Variants in MAF observed in about 807,000 individuals in gnomAD.
MAF encodes the protein transcription factor Maf.
Under a neutral mutation model 22.0 loss-of-function variants are expected in MAF, and 10 were observed. The ratio of observed to expected loss-of-function variants is 0.45; its 90% CI spans 0.28 to 0.77. The LOEUF (loss-of-function observed/expected upper bound fraction) is 0.77. MAF is among the 30% of genes least tolerant of loss of function. MAF has a pLI of 0.12. For missense variants in MAF, 544 were observed against 548.4 expected (o/e 0.99, Z 0.08); for synonymous variants, 337 against 255.8 (o/e 1.32, Z -3.03).
the MAF span, among the ~76,000 whole-genome samples, chr16:79,554,029 C>A: frequency 2.0e-5 from 3 of 152,140 alleles, no homozygotes; most frequent in Non-Finnish European, 4.4e-5. Flanking sequence ...GCAGAGTTTG[C>A]AGTGAGCTGA....
At chr16:79,365,063 C>G in the MAF span, among the ~76,000 whole-genome samples, 1 of 152,120 alleles carries the variant, frequency 6.6e-6, no homozygotes, top group Non-Finnish European at 1.5e-5. Flanking sequence ...TTGATGGTTT[C>G]TGATTGGTTA....
the MAF span, among the ~76,000 whole-genome samples, chr16:79,270,567 C>T: frequency 6.6e-6 from 1 of 152,200 alleles, no homozygotes; most frequent in East Asian, 1.9e-4. Flanking sequence ...TTAGTCTTAG[C>T]CCCATCATTG....
chr16:79,562,562 A>G, the MAF span, among the ~76,000 whole-genome samples: 1,242 of 152,326 alleles, frequency 8.2e-3, 18 homozygotes, highest in African/African-American at 0.029. Flanking sequence ...CTGGCTGCCA[A>G]CTAACACCAC....
the MAF span, among the ~76,000 whole-genome samples, chr16:79,394,787 G>A: frequency 3.3e-5 from 5 of 152,162 alleles, no homozygotes; most frequent in Non-Finnish European, 4.4e-5. Flanking sequence ...AACCTAGGTA[G>A]CAGGTTTTTA....
chr16:79,253,846 A>C, the MAF span, among the ~76,000 whole-genome samples: 2 of 151,890 alleles, frequency 1.3e-5, no homozygotes, highest in South Asian at 4.2e-4. Flanking sequence ...TTGTATTGCA[A>C]TCACCTAAAG....
chr16:79,242,356 A>G, the MAF span, among the ~76,000 whole-genome samples: 1 of 151,118 alleles, frequency 6.6e-6, no homozygotes, highest in African/African-American at 2.4e-5. Flanking sequence ...TTTACCAAGC[A>G]AATGGGAAGC....
the MAF span, among the ~76,000 whole-genome samples, chr16:79,362,666 A>G: frequency 6.6e-6 from 1 of 152,178 alleles, no homozygotes; most frequent in South Asian, 2.1e-4. Flanking sequence ...AGTTAGATCT[A>G]ATAAGCCTCT....
At chr16:79,400,859 G>C in the MAF span, among the ~76,000 whole-genome samples, 6 of 152,346 alleles carry the variant, frequency 3.9e-5, no homozygotes, top group South Asian at 1.2e-3. Context: ...AAATGGCCTG[G>C]GGTATCTTCC....
At chr16:79,301,729 C>A in the MAF span, among the ~76,000 whole-genome samples, 1 of 152,086 alleles carries the variant, frequency 6.6e-6, no homozygotes, top group East Asian at 1.9e-4. Flanking sequence ...TGATAAAGTG[C>A]ATATACATTT....
chr16:79,493,786 A>C, the MAF span, among the ~76,000 whole-genome samples: 6 of 152,340 alleles, frequency 3.9e-5, no homozygotes, highest in Non-Finnish European at 8.8e-5. Context: ...TGGAAAGAAG[A>C]CATCAATACT....
the MAF span, among the ~76,000 whole-genome samples, chr16:79,434,665 AC>A: frequency 2.6e-5 from 4 of 151,742 alleles, no homozygotes; most frequent in Admixed American, 1.3e-4. Flanking sequence ...TAGATGAGAT[AC>A]CATTTTAATA....
chr16:79,346,489 T>C, the MAF span, among the ~76,000 whole-genome samples: 1 of 152,164 alleles, frequency 6.6e-6, no homozygotes, highest in Non-Finnish European at 1.5e-5. Context: ...GCGTCATTCT[T>C]TGTCTAACGG....
the MAF span, among the ~76,000 whole-genome samples, chr16:79,298,395 G>C: frequency 1.3e-5 from 2 of 152,198 alleles, no homozygotes; most frequent in African/African-American, 2.4e-5. Flanking sequence ...TTCTTCGCTG[G>C]GGATTACATT....
the MAF span, among the ~76,000 whole-genome samples, chr16:79,479,091 C>A: frequency 2.6e-5 from 4 of 151,668 alleles, no homozygotes; most frequent in Non-Finnish European, 5.9e-5. Context: ...CATTCTAGTG[C>A]ACCCGTGCAC....
At chr16:79,323,777 T>G in the MAF span, among the ~76,000 whole-genome samples, 1 of 152,194 alleles carries the variant, frequency 6.6e-6, no homozygotes, top group African/African-American at 2.4e-5. Flanking sequence ...CCCAGAGGGT[T>G]AAGGAAATAA....
chr16:79,222,989 G>A, the MAF span, among the ~76,000 whole-genome samples: 1 of 152,072 alleles, frequency 6.6e-6, no homozygotes, highest in Non-Finnish European at 1.5e-5. Context: ...GGATATCCAG[G>A]ACTTGAACTC....
At chr16:79,461,250 A>C in the MAF span, among the ~76,000 whole-genome samples, 1 of 152,210 alleles carries the variant, frequency 6.6e-6, no homozygotes, top group Non-Finnish European at 1.5e-5. Flanking sequence ...ATATTTACTT[A>C]AGTAGGTTAG....
chr16:79,521,702 C>T, the MAF span, among the ~76,000 whole-genome samples: 10,604 of 152,196 alleles, frequency 0.07, 538 homozygotes, highest in Non-Finnish European at 0.089. Flanking sequence ...CTTTTGTCTC[C>T]GAGACTCAGT....
At chr16:79,285,341 T>C in the MAF span, among the ~76,000 whole-genome samples, 2 of 152,214 alleles carry the variant, frequency 1.3e-5, no homozygotes, top group Non-Finnish European at 2.9e-5. Context: ...TTCTGGGCAC[T>C]GTTTAGCCAC....
Sources: gnomAD v4.1 joint callset for allele counts (sites outside exome capture counted in the v4.1 genomes callset) on GRCh38, gnomAD v4.1.1 for gene constraint, MANE v1.5 for transcripts, NCBI Gene and HGNC (gene_info 2026-07-23, HGNC 2026-07-21) for gene names.